CSMD1: variants seen among roughly 807,000 people sequenced by gnomAD.
CSMD1 encodes CUB and sushi domain-containing protein 1.
Under a neutral mutation model 417.5 loss-of-function variants are expected in CSMD1, and 213 were observed. The observed-to-expected ratio is 0.51, with a 90% CI of 0.46 to 0.57. The LOEUF (loss-of-function observed/expected upper bound fraction) is 0.57, where lower values mean the gene tolerates loss of function less well. Among genes scored for constraint, CSMD1 ranks in the 20% least tolerant of loss-of-function variants. CSMD1 has a pLI of 0.00. For synonymous variants in CSMD1, 2,862 were observed against 1,736.8 expected (o/e 1.65, Z -16.11); for missense variants, 6,923 against 4,529.7 (o/e 1.53, Z -15.17).
chr8:3,252,489 T>A (rs1800343825), intron 26 of CSMD1, among the ~76,000 whole-genome samples: 1 of 152,242 alleles, frequency 6.6e-6, no homozygotes, highest in African/African-American at 2.4e-5. Flanking sequence ...GATTTTTGCT[T>A]TGATGTTCAT....
intron 2 of CSMD1, among the ~76,000 whole-genome samples, chr8:4,432,093 G>A (rs778894098): frequency 6.6e-6 from 1 of 152,074 alleles, no homozygotes. Flanking sequence ...CAGAAATATT[G>A]GCTATTGAGT....
At position 3,078,243 on chromosome 8, in the gene CSMD1, C is replaced by G. The variant is rs558130578; in HGVS notation, c.7474+8854G>C. 1.9e-4 allele frequency among the ~76,000 whole-genome samples: 29 copies of G among 152,286 alleles called. No homozygotes were observed. In the South Asian group the frequency reaches 5.8e-3, roughly 31 times the overall value. ...TCTTCATATCACTACTACTATTATA[C>G]AAAATTACCCTTTTTGAACACTTCC... On this transcript the variant is annotated intron_variant, in intron 49 of 69. Transcript: ENST00000635120.
chr8:4,851,290 T>G (rs911896261), intron 1 of CSMD1, among the ~76,000 whole-genome samples: 1 of 152,120 alleles, frequency 6.6e-6, no homozygotes, highest in East Asian at 1.9e-4. Context: ...TCATTTTTTA[T>G]GACTGCATAG....
intron 3 of CSMD1, among the ~76,000 whole-genome samples, chr8:4,310,010 G>T (rs764247222): frequency 6.6e-6 from 1 of 152,214 alleles, no homozygotes. Flanking sequence ...TGGAAAACAC[G>T]CTAAAAGGTA....
intron 1 of CSMD1, among the ~76,000 whole-genome samples, chr8:4,756,872 A>T (rs1330530766): frequency 6.6e-6 from 1 of 152,228 alleles, no homozygotes; most frequent in Non-Finnish European, 1.5e-5. Context: ...TCACTTTTTA[A>T]CCTGAAAGCA....
chr8:4,151,138 T>C (rs1796552271), intron 3 of CSMD1, among the ~76,000 whole-genome samples: 1 of 152,188 alleles, frequency 6.6e-6, no homozygotes, highest in African/African-American at 2.4e-5. Context: ...GTTCACCAAA[T>C]ACATTAGAAG....
chr8:4,828,995 A>G (rs563290811), intron 1 of CSMD1, among the ~76,000 whole-genome samples: 8 of 152,320 alleles, frequency 5.3e-5, no homozygotes, highest in African/African-American at 1.9e-4. Context: ...ATTTATCAAA[A>G]CTGCACTAAT....
intron 1 of CSMD1, among the ~76,000 whole-genome samples, chr8:4,731,055 G>A (rs1052073526): frequency 3.9e-5 from 6 of 152,200 alleles, no homozygotes; most frequent in Non-Finnish European, 8.8e-5. Flanking sequence ...TGGAGGGTCT[G>A]TGGGTCTTGA....
Position 4,994,375 on chromosome 8 carries a change from G to T in CSMD1, c.42C>A (p.Leu14=), listed in dbSNP as rs951100969. ...WRRFQSLLLL[L]GLLVLCARLL... is the part of the protein sequence containing the mutation. ...GCCTCGCGCACAGCACCAGCAGCCC[G>T]AGAAGCAGGAGCAGCGACTGGAATC... The change falls in exon 1 of 70, where the codon CTC becomes CTA. Residue 14 remains leucine, a synonymous_variant. Coordinates refer to ENST00000635120, the MANE Select transcript of CSMD1 (RefSeq NM_033225.6). 1.5e-5 allele frequency: 24 copies of T among 1,611,988 alleles called. No homozygotes were observed. The highest frequency in any genetic ancestry group is 1.9e-5 in the Non-Finnish European group (23 of 1,179,852).
At chr8:3,304,730 CTTTT>C (rs10688027) in intron 25 of CSMD1, among the ~76,000 whole-genome samples, 1 of 151,614 alleles carries the variant, frequency 6.6e-6, no homozygotes, top group African/African-American at 2.4e-5. Flanking sequence ...TTATTTTTCT[CTTTT>C]TAATTTTTTT....
chr8:4,351,929 G>A (rs562485039), intron 3 of CSMD1, among the ~76,000 whole-genome samples: 2 of 148,864 alleles, frequency 1.3e-5, no homozygotes, highest in Non-Finnish European at 1.5e-5. Context: ...TGACATTCAA[G>A]GTAACATTGC....
At chr8:3,669,609 G>A (rs1192717025) in intron 7 of CSMD1, among the ~76,000 whole-genome samples, 2 of 152,182 alleles carry the variant, frequency 1.3e-5, no homozygotes, top group African/African-American at 2.4e-5. Flanking sequence ...TCACGACAGG[G>A]AAGACAAGCT....
At chr8:3,299,357 C>T (rs1226205139) in intron 25 of CSMD1, among the ~76,000 whole-genome samples, 1 of 152,084 alleles carries the variant, frequency 6.6e-6, no homozygotes, top group Admixed American at 6.6e-5. Flanking sequence ...GAGGCTCAGG[C>T]AGGAGCATTG....
chr8:3,822,436 G>C (rs1377451211), intron 5 of CSMD1, among the ~76,000 whole-genome samples: 1 of 152,140 alleles, frequency 6.6e-6, no homozygotes, highest in Non-Finnish European at 1.5e-5. Context: ...TCTAGAAAAA[G>C]AACAATGCCA....
intron 2 of CSMD1, among the ~76,000 whole-genome samples, chr8:4,429,931 T>A (rs187730376): frequency 2.0e-5 from 3 of 152,036 alleles, no homozygotes; most frequent in Non-Finnish European, 4.4e-5. Context: ...TGGTCACCCA[T>A]CAGGGAATGA....
intron 3 of CSMD1, among the ~76,000 whole-genome samples, chr8:4,366,341 C>T (rs1397133809): frequency 1.3e-5 from 2 of 151,870 alleles, no homozygotes; most frequent in Admixed American, 6.6e-5. Flanking sequence ...TGGTGAACAT[C>T]GTGGCTGATT....
chr8:3,761,942 A>T (rs1798029056), intron 5 of CSMD1, among the ~76,000 whole-genome samples: 1 of 152,026 alleles, frequency 6.6e-6, no homozygotes, highest in South Asian at 2.1e-4. Flanking sequence ...TCTCTGAGGC[A>T]CCATCATGCT....
intron 7 of CSMD1, among the ~76,000 whole-genome samples, chr8:3,650,434 G>C (rs1263798749): frequency 6.6e-6 from 1 of 152,120 alleles, no homozygotes; most frequent in Non-Finnish European, 1.5e-5. Context: ...TAAATACTAT[G>C]AATAGGAAAA....
intron 5 of CSMD1, among the ~76,000 whole-genome samples, chr8:3,974,952 C>T (rs1314972302): frequency 3.3e-5 from 5 of 152,090 alleles, no homozygotes; most frequent in African/African-American, 1.2e-4. Context: ...TCAAAACTAA[C>T]ACCTGTTAAG....
Sources: allele counts gnomAD v4.1 joint callset (sites outside exome capture counted in the v4.1 genomes callset), GRCh38; gene constraint gnomAD v4.1.1; transcripts MANE v1.5; gene names NCBI Gene and HGNC (gene_info 2026-07-23, HGNC 2026-07-21).